CDH20: variants seen among roughly 807,000 people sequenced by gnomAD.
CDH20 encodes the protein cadherin-20.
CDH20 carries 29 observed loss-of-function variants against 74.2 expected under a neutral mutation model. The ratio of observed to expected loss-of-function variants is 0.39; its 90% CI spans 0.29 to 0.53. CDH20 has a LOEUF of 0.53. Among genes scored for constraint, CDH20 ranks in the 20% least tolerant of loss-of-function variants. The probability of loss-of-function intolerance (pLI) is 0.69; values close to 1 mark genes in which losing one functional copy is unlikely to be tolerated. For synonymous variants in CDH20, 469 were observed against 405.4 expected (o/e 1.16, Z -1.88); for missense variants, 988 against 1,048.3 (o/e 0.94, Z 0.79).
chr18:61,465,652 T>A (rs1909934611), intron 1 of CDH20, among the ~76,000 whole-genome samples: 1 of 150,636 alleles, frequency 6.6e-6, no homozygotes, highest in Admixed American at 6.6e-5. Context: ...ATCAAGTGAA[T>A]TGTAATGGTC....
In CDH20 at chr18:61,363,494, G is replaced by A. The variant is rs371576679; in HGVS notation, c.-153+29667G>A. Reference sequence around the variant, plus strand: ...GACTAAACATAGATGAATAAGAGACGTCAAGAAAATTAAAATATAGCATTC... The same window carrying A: ...GACTAAACATAGATGAATAAGAGACATCAAGAAAATTAAAATATAGCATTC... On this transcript the variant is annotated intron_variant, in intron 1 of 11. Transcript: ENST00000262717. 2.1e-4 allele frequency among the ~76,000 whole-genome samples: 32 copies of A among 152,184 alleles called. No individual in the cohort carries two copies. In the South Asian group the frequency reaches 4.6e-3, roughly 22 times the overall value.
intron 1 of CDH20, among the ~76,000 whole-genome samples, chr18:61,483,263 TA>T (rs111291714): frequency 1.3e-5 from 2 of 152,278 alleles, no homozygotes; most frequent in African/African-American, 4.8e-5. Flanking sequence ...ATCCTCTTCC[TA>T]ACTATGTAGC....
At chr18:61,370,708 C>A (rs897395348) in intron 1 of CDH20, among the ~76,000 whole-genome samples, 2 of 152,068 alleles carry the variant, frequency 1.3e-5, no homozygotes, top group South Asian at 2.1e-4. Context: ...TAACTGTAGT[C>A]TGATTGCTGT....
chr18:61,351,116 T>C (rs769271670), intron 1 of CDH20, among the ~76,000 whole-genome samples: 1 of 152,150 alleles, frequency 6.6e-6, no homozygotes. Flanking sequence ...TGTCAATAAG[T>C]CCACATTAGC....
intron 1 of CDH20, among the ~76,000 whole-genome samples, chr18:61,440,709 T>A (rs1909000034): frequency 6.6e-6 from 1 of 152,168 alleles, no homozygotes; most frequent in African/African-American, 2.4e-5. Context: ...CAAATGGGCT[T>A]ATTTCACTCT....
chr18:61,554,167 A>T (rs1913535449), intron 11 of CDH20, 23 bp from the exon 12 acceptor site: 1 of 1,594,674 alleles, frequency 6.3e-7, no homozygotes, highest in Admixed American at 1.7e-5. Context: ...CGGTAAACAC[A>T]CTCTCCTTTT....
intron 1 of CDH20, among the ~76,000 whole-genome samples, chr18:61,394,055 C>T (rs1911881164): frequency 6.6e-6 from 1 of 152,132 alleles, no homozygotes; most frequent in East Asian, 1.9e-4. Context: ...GTGTTTTAGG[C>T]ATCTGAGTTT....
intron 1 of CDH20, among the ~76,000 whole-genome samples, chr18:61,483,026 A>G (rs672198): frequency 0.059 from 9,016 of 152,222 alleles, 298 homozygotes; most frequent in Middle Eastern, 0.12. Flanking sequence ...GCACCATGGT[A>G]TCTGCGTTTT....
At chr18:61,451,059 T>C (rs988687269) in intron 1 of CDH20, among the ~76,000 whole-genome samples, 1 of 152,048 alleles carries the variant, frequency 6.6e-6, no homozygotes, top group Non-Finnish European at 1.5e-5. Context: ...ATTGGTAAAG[T>C]TTATATTTTG....
At chr18:61,441,757 C>A (rs184525198) in intron 1 of CDH20, among the ~76,000 whole-genome samples, 49 of 152,174 alleles carry the variant, frequency 3.2e-4, no homozygotes, top group Non-Finnish European at 5.4e-4. Context: ...AGTAAAGGTT[C>A]TTTTTCATTT....
intron 8 of CDH20, among the ~76,000 whole-genome samples, chr18:61,538,591 TGTTTG>T (rs1568182074): frequency 2.3e-4 from 13 of 55,710 alleles, no homozygotes; most frequent in East Asian, 4.1e-4. Context: ...TTTGTTTGTT[TGTTTG>T]TTTTTGTTTT....
At chr18:61,547,235 G>A (rs12956817) in intron 10 of CDH20, among the ~76,000 whole-genome samples, 13,961 of 152,070 alleles carry the variant, frequency 0.092, 736 homozygotes, top group Middle Eastern at 0.15. Flanking sequence ...GGCTAAGGTG[G>A]GAGGATCATT....
intron 1 of CDH20, among the ~76,000 whole-genome samples, chr18:61,376,271 G>C (rs547378344): frequency 7.9e-5 from 12 of 152,084 alleles, no homozygotes; most frequent in African/African-American, 2.9e-4. Context: ...TTTAAAAAAA[G>C]GAATTAGGGT....
intron 1 of CDH20, among the ~76,000 whole-genome samples, chr18:61,474,864 G>A (rs1356011313): frequency 6.6e-6 from 1 of 152,116 alleles, no homozygotes; most frequent in African/African-American, 2.4e-5. Context: ...TAGCAAGGAA[G>A]GGCCGGGGAA....
In CDH20 at chr18:61,406,766, C is replaced by G. The variant is rs140415187; in HGVS notation, c.-153+72939C>G. ...GGAATTCAGGCAGAGGATTATACAG[C>G]AAGCAACAGTTTTGCACTTTATGAA... On this transcript the variant is annotated intron_variant, in intron 1 of 11. Coordinates refer to ENST00000262717, the MANE Select transcript of CDH20 (RefSeq NM_031891.4). 4.0e-3 allele frequency among the ~76,000 whole-genome samples: 605 copies of G among 152,248 alleles called. 2 individuals carry two copies. The highest frequency in any genetic ancestry group is 0.014 in the African/African-American group (572 of 41,538).
chr18:61,389,038 C>T (rs1417698957), intron 1 of CDH20, among the ~76,000 whole-genome samples: 2 of 152,118 alleles, frequency 1.3e-5, no homozygotes, highest in African/African-American at 4.8e-5. Flanking sequence ...CCGAGAAGTT[C>T]CATTCAGGGT....
chr18:61,488,663 A>T (rs917939841), intron 1 of CDH20, among the ~76,000 whole-genome samples: 9 of 152,222 alleles, frequency 5.9e-5, no homozygotes, highest in African/African-American at 1.9e-4. Flanking sequence ...TACAATATAC[A>T]GAATATTGCT....
chr18:61,359,891 A>G lies in CDH20; in HGVS notation c.-153+26064A>G, dbSNP rs1910632003. 1.3e-5 allele frequency among the ~76,000 whole-genome samples: 2 copies of G among 152,172 alleles called. 1 individual carries two copies. Among genetic ancestry groups the G allele is most frequent in the South Asian group, 4.1e-4 (2 of 4,828 alleles). ...GCGTTCTGATTTCCAAACTCCATCT[A>G]TGTGCACCAAGTGACAAGAGATACA... On this transcript the variant is annotated intron_variant, in intron 1 of 11. Transcript: ENST00000262717.
chr18:61,540,110 T>G (rs1032475547), intron 9 of CDH20, among the ~76,000 whole-genome samples: 2 of 152,200 alleles, frequency 1.3e-5, no homozygotes, highest in African/African-American at 4.8e-5. Context: ...ATTCTGCTCC[T>G]GCTTTTGTAA....
Sources: gnomAD v4.1 joint callset for allele counts (sites outside exome capture counted in the v4.1 genomes callset) on GRCh38, gnomAD v4.1.1 for gene constraint, MANE v1.5 for transcripts, NCBI Gene and HGNC (gene_info 2026-07-23, HGNC 2026-07-21) for gene names.